Variants in RNASEH2B observed in about 807,000 individuals in gnomAD.
RNASEH2B encodes the protein Aicardi-Goutieres syndrome 2 protein.
In RNASEH2B, 36 loss-of-function variants were observed where a neutral mutation model predicts 45.0. The observed-to-expected ratio is 0.80, with a 90% CI of 0.61 to 1.06. The LOEUF (loss-of-function observed/expected upper bound fraction) is 1.06, where lower values mean the gene tolerates loss of function less well. Among genes scored for constraint, RNASEH2B ranks in the 50% least tolerant of loss-of-function variants. The probability of loss-of-function intolerance (pLI) is 0.00; values close to 1 mark genes in which losing one functional copy is unlikely to be tolerated. For missense variants in RNASEH2B, 361 were observed against 360.3 expected (o/e 1.00, Z -0.02); for synonymous variants, 119 against 125.7 (o/e 0.95, Z 0.35).
chr13:50,923,394 CTG>C (rs1317288309), intron 1 of RNASEH2B, among the ~76,000 whole-genome samples: 1 of 152,038 alleles, frequency 6.6e-6, no homozygotes, highest in African/African-American at 2.4e-5. Flanking sequence ...CGTAGTCAAA[CTG>C]TGAAAAGACA....
chr13:50,940,980 A>AG (rs142809551), intron 5 of RNASEH2B: 31,544 of 152,062 alleles, frequency 0.21, 4,260 homozygotes, highest in Non-Finnish European at 0.3. Context: ...TCAGTGACTT[A>AG]GGAGAGTTTA....
intron 10 of RNASEH2B, chr13:50,955,238 T>C (rs1952029388): frequency 6.6e-6 from 1 of 152,226 alleles, no homozygotes; most frequent in East Asian, 1.9e-4. Flanking sequence ...AAATACTAAC[T>C]GCCCTTTGAG....
chr13:50,954,402 C>T (rs1337186110), intron 10 of RNASEH2B: 1 of 303,646 alleles, frequency 3.3e-6, no homozygotes, highest in African/African-American at 2.2e-5. Context: ...TAGTTTTATA[C>T]ATGCATTATA....
chr13:50,920,278 C>A (rs1440702500), intron 1 of RNASEH2B, among the ~76,000 whole-genome samples: 1 of 152,162 alleles, frequency 6.6e-6, no homozygotes, highest in Non-Finnish European at 1.5e-5. Flanking sequence ...CTCCTGGCCT[C>A]AAGTGATCTG....
intron 9 of RNASEH2B, among the ~76,000 whole-genome samples, chr13:50,967,780 C>T (rs970210477): frequency 1.3e-5 from 2 of 152,202 alleles, no homozygotes; most frequent in Non-Finnish European, 2.9e-5. Flanking sequence ...CCTTGTATTA[C>T]ATATTTTCTC....
At chr13:50,921,691 C>G (rs1441762945) in intron 1 of RNASEH2B, among the ~76,000 whole-genome samples, 1 of 152,144 alleles carries the variant, frequency 6.6e-6, no homozygotes. Context: ...CTTCAAAGTT[C>G]AGTGAGGGTA....
chr13:50,953,865 A>G (rs780778643), intron 9 of RNASEH2B, 40 bp from the exon 10 acceptor site: 1 of 1,344,422 alleles, frequency 7.4e-7, no homozygotes, highest in East Asian at 2.3e-5. Flanking sequence ...TGTTGTGTCA[A>G]AGTGACATTT....
chr13:50,947,008 C>G (rs1951908625), intron 7 of RNASEH2B, among the ~76,000 whole-genome samples: 1 of 152,090 alleles, frequency 6.6e-6, no homozygotes, highest in Non-Finnish European at 1.5e-5. Context: ...GACTTTTTGA[C>G]ATCAGGTGGT....
chr13:50,969,923 C>T lies in RNASEH2B; in HGVS notation c.742-9C>T, dbSNP rs912539388. 14 of 1,551,352 alleles carry T rather than the reference C, an allele frequency of 9.0e-6. No homozygotes were observed. In the African/African-American group the frequency reaches 1.8e-4, roughly 20 times the overall value. On this transcript the variant is annotated splice_polypyrimidine_tract_variant and intron_variant, in intron 9 of 9. Coordinates refer to the RNASEH2B transcript ENST00000422660. Reference sequence around the variant, plus strand: ...CAGGACACACCACATGTTTTCCTTTCCTCTCTAGATGGCAGCACAAAGACA... The same window carrying T: ...CAGGACACACCACATGTTTTCCTTTTCTCTCTAGATGGCAGCACAAAGACA...
intron 5 of RNASEH2B, chr13:50,935,852 C>T (rs564443926): frequency 6.6e-6 from 1 of 152,596 alleles, no homozygotes; most frequent in African/African-American, 2.4e-5. Context: ...AAGTTTTAAG[C>T]ATGGCAGTCT....
intron 7 of RNASEH2B, among the ~76,000 whole-genome samples, chr13:50,947,211 A>C (rs1310145132): frequency 6.6e-6 from 1 of 152,150 alleles, no homozygotes; most frequent in Non-Finnish European, 1.5e-5. Context: ...TATTCTACAT[A>C]AAATACTGAA....
At chr13:50,940,046 T>G (rs1485204657) in intron 5 of RNASEH2B, among the ~76,000 whole-genome samples, 1 of 152,214 alleles carries the variant, frequency 6.6e-6, no homozygotes, top group African/African-American at 2.4e-5. Flanking sequence ...TGACAATTTC[T>G]TACAACTCAG....
At chr13:50,941,714 C>G (rs1951834986) in intron 5 of RNASEH2B, 1 of 152,180 alleles carries the variant, frequency 6.6e-6, no homozygotes, top group Non-Finnish European at 1.5e-5. Context: ...GAAATTGAGT[C>G]CGGTCTCATT....
chr13:50,967,398 G>C (rs1461001655), intron 9 of RNASEH2B, among the ~76,000 whole-genome samples: 1 of 152,176 alleles, frequency 6.6e-6, no homozygotes, highest in Non-Finnish European at 1.5e-5. Flanking sequence ...ACAATTGTTG[G>C]AAAGTAATAA....
chr13:50,964,937 C>T (rs1434080326), intron 9 of RNASEH2B, among the ~76,000 whole-genome samples: 2 of 152,102 alleles, frequency 1.3e-5, no homozygotes, highest in Admixed American at 6.6e-5. Flanking sequence ...ACCTTCCTCC[C>T]CTACCCCCAC....
chr13:50,958,228 T>C (rs143256128), downstream of RNASEH2B, among the ~76,000 whole-genome samples: 1 of 152,344 alleles, frequency 6.6e-6, no homozygotes, highest in Non-Finnish European at 1.5e-5. Context: ...CTTGAGGTCT[T>C]ACAGTTAATT....
intron 8 of RNASEH2B, 142 bp downstream of exon 8, chr13:50,948,210 G>T: frequency 7.3e-7 from 1 of 1,368,136 alleles, no homozygotes; most frequent in Non-Finnish European, 9.8e-7. Context: ...TTGTGCTTTG[G>T]GGATGATTTT....
intron 9 of RNASEH2B, among the ~76,000 whole-genome samples, chr13:50,967,053 C>T (rs961625577): frequency 6.6e-6 from 1 of 152,190 alleles, no homozygotes; most frequent in African/African-American, 2.4e-5. Flanking sequence ...TCTCTGGCCC[C>T]CAGTCACTTC....
At chr13:50,912,332 A>C (rs924692710) in intron 1 of RNASEH2B, 1 of 152,350 alleles carries the variant, frequency 6.6e-6, no homozygotes, top group East Asian at 1.9e-4. Context: ...GTGCTGGTTC[A>C]GTAGGTCCTG....
Sources: allele counts gnomAD v4.1 joint callset (sites outside exome capture counted in the v4.1 genomes callset), GRCh38; gene constraint gnomAD v4.1.1; transcripts MANE v1.5; gene names NCBI Gene and HGNC (gene_info 2026-07-23, HGNC 2026-07-21).